The following NIBAN1 variants were observed in gnomAD, a reference collection of about 807,000 sequenced individuals.
The protein encoded by NIBAN1 is protein Niban 1.
NIBAN1 carries 81 observed loss-of-function variants against 75.1 expected under a neutral mutation model. The observed-to-expected ratio is 1.08, with a 90% CI of 0.90 to 1.30. NIBAN1 has a LOEUF of 1.30. Among genes scored for constraint, NIBAN1 ranks in the 50% most tolerant of loss-of-function variants. The pLI is 0.00. For missense variants in NIBAN1, 1,133 were observed against 1,128.1 expected (o/e 1.00, Z -0.06); for synonymous variants, 436 against 424.8 (o/e 1.03, Z -0.32).
At chr1:184,925,889 A>G (rs1657668738) in intron 1 of NIBAN1, among the ~76,000 whole-genome samples, 1 of 152,154 alleles carries the variant, frequency 6.6e-6, no homozygotes, top group Non-Finnish European at 1.5e-5. Flanking sequence ...CAGTGTTATA[A>G]TATTCTGGCT....
At position 184,916,653 on chromosome 1, in the gene NIBAN1, T is replaced by A. The variant is rs561070861; in HGVS notation, c.56-17344A>T. Among the ~76,000 whole-genome samples, 7 of 152,140 alleles carry A rather than the reference T, an allele frequency of 4.6e-5. No homozygotes were observed. In the South Asian group the frequency reaches 1.5e-3, roughly 32 times the overall value. Reference sequence around the variant, plus strand: ...CAGGATAAGACTGAAAAGTGTTTGTTCCATTTAATATAACAAAATAAAGAT... The same window carrying A: ...CAGGATAAGACTGAAAAGTGTTTGTACCATTTAATATAACAAAATAAAGAT... On this transcript the variant is annotated intron_variant, in intron 1 of 13. Transcript: ENST00000367511.
chr1:184,957,329 G>C (rs752235402), intron 1 of NIBAN1, among the ~76,000 whole-genome samples: 1 of 152,142 alleles, frequency 6.6e-6, no homozygotes, highest in Non-Finnish European at 1.5e-5. Context: ...CCCTGCGTCC[G>C]ACTCTTTCAT....
At chr1:184,827,406 C>T (rs1416168376) in intron 6 of NIBAN1, among the ~76,000 whole-genome samples, 1 of 152,020 alleles carries the variant, frequency 6.6e-6, no homozygotes, top group African/African-American at 2.4e-5. Context: ...CTACCATGGT[C>T]TGCCTTCCAC....
chr1:184,972,327 A>C (rs745566236), intron 1 of NIBAN1, among the ~76,000 whole-genome samples: 6 of 152,250 alleles, frequency 3.9e-5, no homozygotes, highest in Non-Finnish European at 8.8e-5. Flanking sequence ...AAAATGGGCA[A>C]AGAGGTAAAG....
intron 5 of NIBAN1, among the ~76,000 whole-genome samples, chr1:184,874,962 C>T (rs552101675): frequency 6.6e-5 from 10 of 151,832 alleles, no homozygotes; most frequent in Admixed American, 1.3e-4. Flanking sequence ...TTTTAAAGGA[C>T]GATATCATAC....
intron 9 of NIBAN1, among the ~76,000 whole-genome samples, chr1:184,815,840 T>C (rs1020717709): frequency 1.3e-5 from 2 of 152,180 alleles, no homozygotes; most frequent in African/African-American, 2.4e-5. Context: ...TAGAAGGACA[T>C]CATTTGTTAG....
At chr1:184,817,289 T>G (rs1654566825) in intron 9 of NIBAN1, among the ~76,000 whole-genome samples, 2 of 152,238 alleles carry the variant, frequency 1.3e-5, no homozygotes, top group Admixed American at 1.3e-4. Context: ...ACATTTGGGT[T>G]GGTTCCAAGT....
At chr1:184,910,021 A>G (rs1248988111) in intron 1 of NIBAN1, among the ~76,000 whole-genome samples, 1 of 152,182 alleles carries the variant, frequency 6.6e-6, no homozygotes, top group African/African-American at 2.4e-5. Flanking sequence ...TAGATAGTAC[A>G]TTCTTTAAAA....
At chr1:184,922,390 C>CT (rs1657579501) in intron 1 of NIBAN1, among the ~76,000 whole-genome samples, 1 of 152,074 alleles carries the variant, frequency 6.6e-6, no homozygotes, top group African/African-American at 2.4e-5. Context: ...CCCTTCACCT[C>CT]ACCCACTACT....
chr1:184,969,709 A>T (rs1281711713), intron 1 of NIBAN1, among the ~76,000 whole-genome samples: 3 of 147,612 alleles, frequency 2.0e-5, no homozygotes, highest in Non-Finnish European at 1.5e-5. Context: ...TTTTTTTTTT[A>T]AAGAGAGAGA....
chr1:184,899,118 G>A (rs3753575), intron 2 of NIBAN1, 61 bp downstream of exon 2: 374,112 of 1,551,218 alleles, frequency 0.24, 48,136 homozygotes, highest in South Asian at 0.29. Flanking sequence ...TCAGAAATAC[G>A]GCTGTGCTAT....
At chr1:184,827,831 C>A (rs1281417572) in intron 6 of NIBAN1, among the ~76,000 whole-genome samples, 1 of 151,864 alleles carries the variant, frequency 6.6e-6, no homozygotes, top group Non-Finnish European at 1.5e-5. Flanking sequence ...CTGGTCCAGG[C>A]CCCTTGCATT....
intron 6 of NIBAN1, among the ~76,000 whole-genome samples, chr1:184,825,856 G>T (rs1180623456): frequency 6.6e-6 from 1 of 152,190 alleles, no homozygotes; most frequent in African/African-American, 2.4e-5. Context: ...GAAAAGTAGG[G>T]AATCACTTGA....
chr1:184,929,978 C>T (rs1026057549), intron 1 of NIBAN1, among the ~76,000 whole-genome samples: 4 of 152,178 alleles, frequency 2.6e-5, no homozygotes, highest in African/African-American at 9.7e-5. Flanking sequence ...AAACAGGAAT[C>T]GAGAACCCTT....
intron 8 of NIBAN1, 139 bp from the exon 9 acceptor site, chr1:184,818,964 C>T (rs1654616048): frequency 1.2e-6 from 1 of 855,802 alleles, no homozygotes; most frequent in Non-Finnish European, 1.7e-6. Flanking sequence ...GACAGACTAG[C>T]ACAATGAGCC....
Position 184,924,405 on chromosome 1 carries a change from C to G in NIBAN1, c.56-25096G>C, listed in dbSNP as rs556612222. Among the ~76,000 whole-genome samples, 3 of 152,100 alleles carry G rather than the reference C, an allele frequency of 2.0e-5. No homozygotes were observed. The South Asian group carries it at 6.2e-4, about 32-fold the overall frequency. Reference sequence around the variant, plus strand: ...CCCTGGGATAAATCCCACTTCATCACGATAAATGATCTTTTTAATGTTTTG... The same window carrying G: ...CCCTGGGATAAATCCCACTTCATCAGGATAAATGATCTTTTTAATGTTTTG... On this transcript the variant is annotated intron_variant, in intron 1 of 13. Coordinates refer to ENST00000367511, the MANE Select transcript of NIBAN1 (RefSeq NM_052966.4).
intron 1 of NIBAN1, among the ~76,000 whole-genome samples, chr1:184,961,206 C>T (rs1571607618): frequency 6.6e-6 from 1 of 151,518 alleles, no homozygotes; most frequent in East Asian, 1.9e-4. Context: ...GTAGCTGGGA[C>T]TACAGGCGCC....
chr1:184,962,798 T>A (rs1658684711), intron 1 of NIBAN1, among the ~76,000 whole-genome samples: 1 of 152,214 alleles, frequency 6.6e-6, no homozygotes, highest in Admixed American at 6.5e-5. Flanking sequence ...ATGATTTTTA[T>A]AGTCAATTGA....
At chr1:184,821,488 T>G (rs1463666446) in intron 8 of NIBAN1, 2 of 152,222 alleles carry the variant, frequency 1.3e-5, no homozygotes, top group Non-Finnish European at 2.9e-5. Context: ...GCTGTAACAC[T>G]GATATTCCAT....
Sources: allele counts gnomAD v4.1 joint callset (sites outside exome capture counted in the v4.1 genomes callset), GRCh38; gene constraint gnomAD v4.1.1; transcripts MANE v1.5; gene names NCBI Gene and HGNC (gene_info 2026-07-23, HGNC 2026-07-21).